ABCA13: variants seen among roughly 807,000 people sequenced by gnomAD.
ABCA13 encodes ATP-binding cassette sub-family A member 13.
A neutral mutation model predicts 478.7 loss-of-function variants in ABCA13; 476 were observed. The observed-to-expected ratio is 0.99, with a 90% CI of 0.92 to 1.07. The LOEUF (loss-of-function observed/expected upper bound fraction) is 1.07. Ranked by LOEUF, ABCA13 falls within the 50% of genes least tolerant of loss-of-function variation. The probability of loss-of-function intolerance (pLI) is 0.00; values close to 1 mark genes in which losing one functional copy is unlikely to be tolerated. For missense variants in ABCA13, 6,060 were observed against 5,910.6 expected, an observed-to-expected ratio of 1.03 and a Z score of -0.83; for synonymous variants, 2,252 against 2,158.9, an observed-to-expected ratio of 1.04 and a Z score of -1.20.
chr7:48,216,763 G>A (rs1199783856), intron 3 of ABCA13, among the ~76,000 whole-genome samples: 2 of 151,788 alleles, frequency 1.3e-5, no homozygotes, highest in African/African-American at 4.9e-5. Flanking sequence ...TTTTGTGTAT[G>A]GTGTGAGGAA....
intron 15 of ABCA13, among the ~76,000 whole-genome samples, chr7:48,259,901 T>G (rs1192836509): frequency 6.6e-6 from 1 of 152,066 alleles, no homozygotes; most frequent in Non-Finnish European, 1.5e-5. Context: ...TGGTCTGTTC[T>G]GCTGTGAATA....
At position 48,239,157 on chromosome 7, in the gene ABCA13, G is replaced by T. The variant is rs1790419870; in HGVS notation, c.898-84G>T. 10 of 1,424,704 alleles carry T rather than the reference G, an allele frequency of 7.0e-6. No homozygotes were observed. In the East Asian group the frequency reaches 2.3e-4, roughly 33 times the overall value. 88.3% of individuals were successfully genotyped at this position (1,424,704 alleles called of 1,614,324 possible). A position where few individuals can be genotyped will look rare whatever the true frequency, so the allele number is the denominator to read the frequency against. On this transcript the variant is annotated intron_variant, in intron 8 of 61. Transcript: ENST00000435803. ...AAGCAAATGTAAGAACTTTTACTGT[G>T]GCAAGATCGTGGTGTTATTTTTAGA...
chr7:48,279,225 T>G lies in ABCA13; in HGVS notation c.8031T>G (p.Ile2677Met), dbSNP rs369624290. 1 of 1,590,242 alleles carries G rather than the reference T, an allele frequency of 6.3e-7. No homozygotes were observed. Among genetic ancestry groups the G allele is most frequent in the South Asian group, 1.1e-5 (1 of 88,150 alleles). Residue 2677 changes from isoleucine to methionine, a missense_variant, in exon 18 of 62, where the codon ATT becomes ATG. Physicochemically the swap from Ile to Met is conservative, Grantham distance 10. This residue lies in a region of ABCA13 where 4,423 missense variants were observed against 4,309.1 expected (regional missense o/e 1.03). Transcript: ENST00000435803. ...ATTCTGTCAACTTACGGGAAGAAAT[T>G]CTGGGTTGCTTAGTTCCTATAAATA... ...SMDSVNLREEILGCLVPINNI... is the reference protein window; with the variant it reads ...SMDSVNLREEMLGCLVPINNI...
intron 43 of ABCA13, among the ~76,000 whole-genome samples, chr7:48,465,761 T>A (rs1253181223): frequency 6.6e-6 from 1 of 152,120 alleles, no homozygotes; most frequent in Non-Finnish European, 1.5e-5. Flanking sequence ...GTCACCCTGC[T>A]GTGCTATCGA....
chr7:48,644,760 G>A lies in ABCA13; in HGVS notation c.15081+6G>A. 1.3e-5 allele frequency: 21 copies of A among 1,588,828 alleles called. No homozygotes were observed. The highest frequency in any genetic ancestry group is 1.7e-5 in the Non-Finnish European group (20 of 1,171,380). ...ACCAAACCACTTTGGAGCAGGTATAGTATCTTGAATGATTCAGGAGGTTGA... is the reference window on the plus strand; with the variant it reads ...ACCAAACCACTTTGGAGCAGGTATAATATCTTGAATGATTCAGGAGGTTGA... On this transcript the variant is annotated splice_donor_region_variant and intron_variant, in intron 61 of 61. Coordinates refer to ENST00000435803, the MANE Select transcript of ABCA13 (RefSeq NM_152701.5).
Position 48,187,655 on chromosome 7 carries a change from G to A in ABCA13, c.70-5304G>A, listed in dbSNP as rs780581820. On this transcript the variant is annotated intron_variant, in intron 1 of 61. Coordinates refer to ENST00000435803, the MANE Select transcript of ABCA13 (RefSeq NM_152701.5). ...TATTCCAAAAATTGAAATTTAACTA[G>A]TATGTATTTTCTTTTTATGGTTTCT... Among the ~76,000 whole-genome samples the A allele has an allele frequency of 4.0e-4, 61 of 151,762 alleles. 1 individual carries two copies. Among genetic ancestry groups the A allele is most frequent in the Non-Finnish European group, 7.2e-4 (49 of 67,916 alleles).
chr7:48,503,076 T>TTACTTATG (rs1488779092), intron 48 of ABCA13, among the ~76,000 whole-genome samples: 1 of 152,216 alleles, frequency 6.6e-6, no homozygotes, highest in Non-Finnish European at 1.5e-5. Context: ...ATTTACATAT[T>TTACTTATG]TACTTATGTA....
At chr7:48,488,692 G>C (rs1263556232) in intron 47 of ABCA13, among the ~76,000 whole-genome samples, 1 of 152,084 alleles carries the variant, frequency 6.6e-6, no homozygotes, top group East Asian at 1.9e-4. Flanking sequence ...GGTTTGATTA[G>C]TGTTTTTTAT....
chr7:48,578,296 T>C (rs1346363246), intron 55 of ABCA13, among the ~76,000 whole-genome samples: 1 of 152,130 alleles, frequency 6.6e-6, no homozygotes. Flanking sequence ...TGCTTATAGA[T>C]GACATGATTA....
intron 27 of ABCA13, among the ~76,000 whole-genome samples, chr7:48,333,976 A>G (rs2128939894): frequency 6.6e-6 from 1 of 152,178 alleles, no homozygotes. Flanking sequence ...GTGTCATCCG[A>G]GCTGATCCCC....
Position 48,412,567 on chromosome 7 carries a change from A to G in ABCA13, c.12443A>G (p.Asp4148Gly). ...CACCTGACGGGCTATGGGATCTCAGACACCACCTTAGAAGAGGTACTGAGA... is the reference window on the plus strand; with the variant it reads ...CACCTGACGGGCTATGGGATCTCAGGCACCACCTTAGAAGAGGTACTGAGA... Reference protein sequence around the residue: ...QLHLTGYGISDTTLEEVFLML... With the variant: ...QLHLTGYGISGTTLEEVFLML... Residue 4148 changes from aspartate (D) to glycine (G), a missense_variant, in exon 41 of 62, where the codon GAC becomes GGC. By Grantham distance (94) the Asp-to-Gly change is moderately conservative (BLOSUM62 -1). Transcript: ENST00000435803. 2 of 1,610,870 alleles carry G rather than the reference A, an allele frequency of 1.2e-6. No individual in the cohort carries two copies. The highest frequency in any genetic ancestry group is 8.5e-7 in the Non-Finnish European group (1 of 1,178,520).
rs113326188 is a variant in ABCA13, at chr7:48,504,656, G to T, written c.13292-1680G>T. Among the ~76,000 whole-genome samples the T allele has an allele frequency of 6.6e-5, 10 of 152,250 alleles. 1 individual carries two copies. The highest frequency in any genetic ancestry group is 2.4e-4 in the African/African-American group (10 of 41,528). ...CATTTCTCTGGATCCTCTTAATCCA[G>T]AGTGTTCTCATTCTTACGTAGAGTC... On this transcript the variant is annotated intron_variant, in intron 48 of 61. Transcript: ENST00000435803.
rs111682192 is a variant in ABCA13, at chr7:48,216,081, G to A, written c.288-3273G>A. 2.8e-3 allele frequency among the ~76,000 whole-genome samples: 421 copies of A among 152,288 alleles called. 6 individuals are homozygous for A. Among genetic ancestry groups the A allele is most frequent in the African/African-American group, 9.7e-3 (404 of 41,572 alleles). ...ATAATGCTGGAATATTCATGTGCAA[G>A]TTTTAAAATAAATGTATGTTTTTGT... On this transcript the variant is annotated intron_variant, in intron 3 of 61. Transcript: ENST00000435803.
At chr7:48,330,737 ACATCCATCCATCCATC>A (rs201089135) in intron 27 of ABCA13, among the ~76,000 whole-genome samples, 5 of 136,846 alleles carry the variant, frequency 3.7e-5, no homozygotes, top group East Asian at 2.2e-4. Context: ...ATCCATTGAC[ACATCCATCCATCCATC>A]CATCCATCCA....
At position 48,506,401 on chromosome 7, in the gene ABCA13, G is replaced by T. The variant is rs1267744855; in HGVS notation, c.13346+11G>T. Reference sequence around the variant, plus strand: ...GAACGAGGACAAGATGTGAGTTGATGGAATGCTGAGGGGTGTGTGACCCTG... The same window carrying T: ...GAACGAGGACAAGATGTGAGTTGATTGAATGCTGAGGGGTGTGTGACCCTG... On this transcript the variant is annotated intron_variant, in intron 49 of 61. Coordinates refer to ENST00000435803, the MANE Select transcript of ABCA13 (RefSeq NM_152701.5). 1.2e-6 allele frequency: 2 copies of T among 1,613,212 alleles called. No individual in the cohort carries two copies. The highest frequency in any genetic ancestry group is 1.7e-6 in the Non-Finnish European group (2 of 1,179,342).
chr7:48,263,184 T>C (rs1322425183), intron 15 of ABCA13, among the ~76,000 whole-genome samples: 6 of 151,916 alleles, frequency 3.9e-5, no homozygotes, highest in Non-Finnish European at 8.8e-5. Flanking sequence ...GAGTATGCAT[T>C]TTAAGAAGAC....
At chr7:48,186,461 T>G (rs981395101) in intron 1 of ABCA13, among the ~76,000 whole-genome samples, 1 of 152,230 alleles carries the variant, frequency 6.6e-6, no homozygotes, top group East Asian at 1.9e-4. Context: ...TATTGAGATA[T>G]TCTCTTTTAC....
intron 27 of ABCA13, among the ~76,000 whole-genome samples, chr7:48,323,213 G>A (rs546084439): frequency 2.0e-5 from 3 of 152,078 alleles, no homozygotes; most frequent in Admixed American, 6.6e-5. Flanking sequence ...ATTATTTGTC[G>A]CCTGCTGTAA....
At chr7:48,301,915 C>T (rs1003628642) in intron 23 of ABCA13, among the ~76,000 whole-genome samples, 1 of 152,206 alleles carries the variant, frequency 6.6e-6, no homozygotes, top group East Asian at 1.9e-4. Context: ...CAGCTACTCT[C>T]CTTCCATTAA....
Sources: gnomAD v4.1 joint callset for allele counts (sites outside exome capture counted in the v4.1 genomes callset) on GRCh38, gnomAD v4.1.1 for gene constraint, gnomAD v4.1.1 regional missense constraint, MANE v1.5 for transcripts, NCBI Gene and HGNC (gene_info 2026-07-23, HGNC 2026-07-21) for gene names.